The following TBC1D19 variants were observed in gnomAD, a reference collection of about 807,000 sequenced individuals.
TBC1D19 encodes the protein TBC1 domain family, member 19.
Under a neutral mutation model 89.0 loss-of-function variants are expected in TBC1D19, and 60 were observed. The observed-to-expected ratio is 0.67, with a 90% CI of 0.55 to 0.84. The LOEUF is 0.84. TBC1D19 is among the 40% of genes least tolerant of loss of function. The pLI, the probability that TBC1D19 is intolerant of heterozygous loss-of-function variation, is 0.00. For synonymous variants in TBC1D19, 189 were observed against 199.7 expected (o/e 0.95, Z 0.45); for missense variants, 500 against 610.8 (o/e 0.82, Z 1.91).
Position 26,620,593 on chromosome 4 carries a change from C to T in TBC1D19, c.219-20C>T. On this transcript the variant is annotated intron_variant, in intron 3 of 20. Transcript: ENST00000264866. ...CAAGAGAATAATGTGTGATATTTAG[C>T]TGCCTCTTTTTGCTCCTAGGTTTCC... The T allele has an allele frequency of 1.2e-6, 2 of 1,607,842 alleles. No individual in the cohort carries two copies. The highest frequency in any genetic ancestry group is 1.1e-5 in the South Asian group (1 of 90,556).
chr4:26,726,165 A>G (rs921612470), intron 15 of TBC1D19, among the ~76,000 whole-genome samples: 2 of 150,398 alleles, frequency 1.3e-5, no homozygotes, highest in African/African-American at 2.5e-5. Context: ...ACACACACAC[A>G]CACACACACA....
Position 26,642,097 on chromosome 4 carries a change from C to T in TBC1D19, c.480+1910C>T, listed in dbSNP as rs184879824. Among the ~76,000 whole-genome samples, 60 of 152,166 alleles carry T rather than the reference C, an allele frequency of 3.9e-4. 1 individual carries two copies. In the East Asian group the frequency reaches 6.0e-3, roughly 15 times the overall value. On this transcript the variant is annotated intron_variant, in intron 7 of 20. Transcript: ENST00000264866. The stretch of plus-strand genomic sequence containing the variant: ...CAGAAAACACCACAAAGACACTCCT[C>T]GAGAAGAGCAACCCCAAGGCACATA...
At chr4:26,616,295 T>A (rs1741698038) in intron 3 of TBC1D19, among the ~76,000 whole-genome samples, 1 of 152,160 alleles carries the variant, frequency 6.6e-6, no homozygotes, top group African/African-American at 2.4e-5. Flanking sequence ...GGCAGTATGT[T>A]CAGTTTATTC....
intron 1 of TBC1D19, among the ~76,000 whole-genome samples, chr4:26,578,018 C>T (rs534699683): frequency 6.6e-6 from 1 of 152,288 alleles, no homozygotes; most frequent in East Asian, 1.9e-4. Flanking sequence ...GTGTCAAACA[C>T]TTAATTCAGT....
chr4:26,741,137 A>C (rs1474487335), intron 17 of TBC1D19, among the ~76,000 whole-genome samples: 1 of 152,034 alleles, frequency 6.6e-6, no homozygotes, highest in Non-Finnish European at 1.5e-5. Flanking sequence ...CGGGTGGATC[A>C]TGAGGTCAGG....
chr4:26,603,846 A>G (rs1180700337), intron 1 of TBC1D19, among the ~76,000 whole-genome samples: 2 of 152,234 alleles, frequency 1.3e-5, no homozygotes, highest in African/African-American at 4.8e-5. Context: ...ATCAGTAAGT[A>G]TACAGTTCAT....
the TBC1D19 span, among the ~76,000 whole-genome samples, chr4:26,773,672 T>A: frequency 1.6e-3 from 247 of 152,320 alleles, no homozygotes; most frequent in African/African-American, 5.6e-3. Flanking sequence ...CAGTTTCAAT[T>A]TTCTGCATAT....
chr4:26,781,943 A>T, the TBC1D19 span, among the ~76,000 whole-genome samples: 4 of 152,162 alleles, frequency 2.6e-5, no homozygotes, highest in African/African-American at 9.6e-5. Flanking sequence ...TTATAAAAAA[A>T]ATATACCTTT....
intron 15 of TBC1D19, among the ~76,000 whole-genome samples, chr4:26,729,663 A>C (rs138694477): frequency 6.6e-6 from 1 of 152,192 alleles, no homozygotes; most frequent in Non-Finnish European, 1.5e-5. Context: ...GTGTGACTAT[A>C]CTACGGAGAG....
chr4:26,641,715 A>G (rs1743552534), intron 7 of TBC1D19, among the ~76,000 whole-genome samples: 1 of 152,228 alleles, frequency 6.6e-6, no homozygotes, highest in South Asian at 2.1e-4. Flanking sequence ...TAGAATAAAC[A>G]GCATAGAGAA....
At chr4:26,616,180 G>GGT (rs1741689047) in intron 3 of TBC1D19, among the ~76,000 whole-genome samples, 2 of 152,044 alleles carry the variant, frequency 1.3e-5, no homozygotes, top group African/African-American at 4.8e-5. Flanking sequence ...TACCGATAAA[G>GGT]ACTAGATAGG....
At chr4:26,645,819 A>G (rs1743881198) in intron 7 of TBC1D19, among the ~76,000 whole-genome samples, 2 of 151,970 alleles carry the variant, frequency 1.3e-5, no homozygotes, top group South Asian at 4.1e-4. Flanking sequence ...GAAAAAAACA[A>G]CCCCATCAAA....
intron 4 of TBC1D19, among the ~76,000 whole-genome samples, chr4:26,636,619 T>C (rs957816233): frequency 6.6e-6 from 1 of 151,858 alleles, no homozygotes; most frequent in African/African-American, 2.4e-5. Context: ...CTATAAAAGA[T>C]ATTTTGGAGA....
At chr4:26,634,716 A>G (rs912863686) in intron 4 of TBC1D19, among the ~76,000 whole-genome samples, 35 of 152,272 alleles carry the variant, frequency 2.3e-4, no homozygotes, top group African/African-American at 7.0e-4. Context: ...GGAAATGATA[A>G]AATAGACTAC....
At chr4:26,670,059 C>T (rs978901445) in intron 9 of TBC1D19, among the ~76,000 whole-genome samples, 1 of 151,562 alleles carries the variant, frequency 6.6e-6, no homozygotes, top group East Asian at 1.9e-4. Flanking sequence ...TACTGAACTT[C>T]GCCCCACTAT....
intron 4 of TBC1D19, among the ~76,000 whole-genome samples, chr4:26,634,060 TA>T (rs1051645264): frequency 2.0e-5 from 3 of 147,164 alleles, no homozygotes; most frequent in Non-Finnish European, 3.0e-5. Flanking sequence ...GCTAGATAGA[TA>T]AAAGAGTATT....
At chr4:26,721,985 C>G (rs1717007790) in intron 15 of TBC1D19, among the ~76,000 whole-genome samples, 1 of 152,120 alleles carries the variant, frequency 6.6e-6, no homozygotes, top group African/African-American at 2.4e-5. Context: ...GGCCCTTCCT[C>G]TAGACTCCCA....
chr4:26,801,619 A>G, the TBC1D19 span, among the ~76,000 whole-genome samples: 2 of 152,242 alleles, frequency 1.3e-5, no homozygotes, highest in East Asian at 3.9e-4. Context: ...TTTTCACAAT[A>G]TTGATTCTTC....
intron 7 of TBC1D19, among the ~76,000 whole-genome samples, chr4:26,652,054 G>C (rs1360942245): frequency 6.6e-6 from 1 of 152,006 alleles, no homozygotes; most frequent in Non-Finnish European, 1.5e-5. Flanking sequence ...TGCATCCCAG[G>C]GATGAAGCCC....
Sources: gnomAD v4.1 joint callset for allele counts (sites outside exome capture counted in the v4.1 genomes callset) on GRCh38, gnomAD v4.1.1 for gene constraint, MANE v1.5 for transcripts, NCBI Gene and HGNC (gene_info 2026-07-23, HGNC 2026-07-21) for gene names.